The following FAM167A variants were observed in gnomAD, a reference collection of about 807,000 sequenced individuals.
FAM167A encodes family with sequence similarity 167 member A.
Under a neutral mutation model 14.9 loss-of-function variants are expected in FAM167A, and 23 were observed. The ratio of observed to expected loss-of-function variants is 1.55; its 90% CI spans 1.11 to 2.19. The LOEUF is 2.19. Ranked by LOEUF, FAM167A falls within the 30% of genes most tolerant of loss-of-function variation. The probability of loss-of-function intolerance (pLI) is 0.00; values close to 1 mark genes in which losing one functional copy is unlikely to be tolerated. For missense variants in FAM167A, 401 were observed against 281.5 expected, an observed-to-expected ratio of 1.42 and a Z score of -3.04; for synonymous variants, 174 against 117.7, an observed-to-expected ratio of 1.48 and a Z score of -3.10.
intron 1 of FAM167A, chr8:11,474,793 A>G (rs530631969): frequency 6.6e-6 from 1 of 150,846 alleles, no homozygotes; most frequent in African/African-American, 2.4e-5. Flanking sequence ...GACAGGGAGT[A>G]GGAAGGAGAA....
At chr8:11,463,920 T>C (rs1807643570) in intron 1 of FAM167A, among the ~76,000 whole-genome samples, 1 of 152,080 alleles carries the variant, frequency 6.6e-6, no homozygotes, top group South Asian at 2.1e-4. Context: ...AGATGACAAC[T>C]TGGGGGGAGC....
intron 2 of FAM167A, among the ~76,000 whole-genome samples, chr8:11,426,046 C>T (rs1805118785): frequency 6.6e-6 from 1 of 152,196 alleles, no homozygotes; most frequent in African/African-American, 2.4e-5. Flanking sequence ...AAGGCTTCTA[C>T]CTGGAGGCTT....
intron 2 of FAM167A, among the ~76,000 whole-genome samples, chr8:11,429,431 C>T (rs945385464): frequency 2.0e-5 from 3 of 152,194 alleles, no homozygotes; most frequent in African/African-American, 7.2e-5. Flanking sequence ...TGGAGTGCCT[C>T]CTCCTGTTTT....
At chr8:11,452,300 C>A (rs890830320) in intron 1 of FAM167A, among the ~76,000 whole-genome samples, 1 of 152,236 alleles carries the variant, frequency 6.6e-6, no homozygotes, top group African/African-American at 2.4e-5. Flanking sequence ...GCTCCTCTGG[C>A]AGAAACGCCG....
intron 1 of FAM167A, among the ~76,000 whole-genome samples, chr8:11,455,353 T>C (rs1807198355): frequency 7.6e-6 from 1 of 131,492 alleles, no homozygotes; most frequent in African/African-American, 2.9e-5. Flanking sequence ...TGTATGAGTG[T>C]GAGGAGTGTG....
intron 2 of FAM167A, among the ~76,000 whole-genome samples, chr8:11,429,468 C>G (rs1704653653): frequency 6.6e-6 from 1 of 152,212 alleles, no homozygotes; most frequent in African/African-American, 2.4e-5. Context: ...AAGGGGCCCC[C>G]TGGAGGCGGG....
chr8:11,440,093 C>G (rs1049634994), intron 2 of FAM167A, among the ~76,000 whole-genome samples: 1 of 152,192 alleles, frequency 6.6e-6, no homozygotes, highest in African/African-American at 2.4e-5. Context: ...GGGGCTGTGA[C>G]CTTCTGGGGA....
Position 11,424,606 on chromosome 8 carries a change from C to T in FAM167A, c.412G>A (p.Ala138Thr), listed in dbSNP as rs755367917. ...TEMRLQDQQL[A>T]RQLMRLRGDI... ...CCACGCAGGCGCATGAGCTGTCTGG[C>T]CAGTTGCTGGTCCTGCAGCCGCATC... is the stretch of plus-strand genomic sequence containing the variant. Residue 138 changes from alanine to threonine, a missense_variant, in exon 3 of 3, where the codon GCC becomes ACC. By Grantham distance (58) the Ala-to-Thr change is moderately conservative. Transcript: ENST00000284486. The T allele has an allele frequency of 6.2e-7, 1 of 1,614,030 alleles. No homozygotes were observed. The highest frequency in any genetic ancestry group is 8.5e-7 in the Non-Finnish European group (1 of 1,179,996).
chr8:11,455,528 C>T (rs1306350876), intron 1 of FAM167A, among the ~76,000 whole-genome samples: 37 of 105,324 alleles, frequency 3.5e-4, no homozygotes, highest in East Asian at 9.8e-4. Flanking sequence ...GGTGGTTGCC[C>T]TGCTGGGTGT....
intron 1 of FAM167A, chr8:11,445,335 C>A: frequency 1.0e-6 from 1 of 986,250 alleles, no homozygotes; most frequent in Non-Finnish European, 1.2e-6. Flanking sequence ...CTCCACCCAC[C>A]ACAGGTCCTG....
intron 2 of FAM167A, among the ~76,000 whole-genome samples, chr8:11,439,732 G>T (rs1806314169): frequency 6.6e-6 from 1 of 152,188 alleles, no homozygotes; most frequent in Non-Finnish European, 1.5e-5. Flanking sequence ...GAAGCCGGAA[G>T]GTTTTGGTTT....
At chr8:11,474,964 A>G (rs1368125840) in intron 1 of FAM167A, among the ~76,000 whole-genome samples, 1 of 152,174 alleles carries the variant, frequency 6.6e-6, no homozygotes. Context: ...AGAAAGGTTC[A>G]GAGTGGGTTG....
chr8:11,467,577 C>T (rs1412662902), upstream of FAM167A: 4 of 152,364 alleles, frequency 2.6e-5, no homozygotes, highest in Non-Finnish European at 5.9e-5. Flanking sequence ...TCAAAGGGCT[C>T]CAGTCTGCCA....
At chr8:11,430,407 G>T (rs552888479) in intron 2 of FAM167A, among the ~76,000 whole-genome samples, 1 of 152,316 alleles carries the variant, frequency 6.6e-6, no homozygotes, top group Non-Finnish European at 1.5e-5. Context: ...TTTGGGGGCA[G>T]ACAAGAATGC....
At chr8:11,438,496 G>C (rs1207930432) in intron 2 of FAM167A, 2 of 457,252 alleles carry the variant, frequency 4.4e-6, no homozygotes, top group Non-Finnish European at 8.8e-6. Flanking sequence ...TGGCAAGGGA[G>C]AGAAGAGCCT....
At chr8:11,455,274 CTG>C (rs575371082) in intron 1 of FAM167A, among the ~76,000 whole-genome samples, 1 of 97,160 alleles carries the variant, frequency 1.0e-5, no homozygotes, top group Admixed American at 1.2e-4. Context: ...TTGCCTTGCT[CTG>C]TGTGTGTCTG....
At chr8:11,430,738 C>T (rs6989218) in intron 2 of FAM167A, among the ~76,000 whole-genome samples, 22 of 151,940 alleles carry the variant, frequency 1.4e-4, no homozygotes, top group South Asian at 8.3e-4. Flanking sequence ...CCAAGCTTTA[C>T]GTGGTGAGGG....
rs1436425467 is a variant in FAM167A, at chr8:11,444,075, A to G, written c.337T>C (p.Phe113Leu). The G allele has an allele frequency of 6.2e-7, 1 of 1,613,548 alleles. No individual in the cohort carries two copies. Among genetic ancestry groups the G allele is most frequent in the Non-Finnish European group, 8.5e-7 (1 of 1,180,004 alleles). Residue 113 changes from phenylalanine to leucine, a missense_variant, in exon 2 of 3, where the codon TTT becomes CTT. Transcript: ENST00000284486. The part of the protein sequence containing the change: ...RPLSTGKLEG[F>L]QSIDEAIAWL... ...GCTATAGCTTCATCGATGCTCTGAA[A>G]GCCTTCCAGCTTGCCAGTGGACAGG... is the stretch of plus-strand genomic sequence containing the variant.
chr8:11,439,851 G>C (rs75273861), intron 2 of FAM167A, among the ~76,000 whole-genome samples: 2,566 of 152,282 alleles, frequency 0.017, 68 homozygotes, highest in African/African-American at 0.058. Flanking sequence ...AAAACAGAAA[G>C]GAGGGTCCCT....
Sources: gnomAD v4.1 joint callset for allele counts (sites outside exome capture counted in the v4.1 genomes callset) on GRCh38, gnomAD v4.1.1 for gene constraint, MANE v1.5 for transcripts, NCBI Gene and HGNC (gene_info 2026-07-23, HGNC 2026-07-21) for gene names.